The following MXI1 variants were observed in gnomAD, a reference collection of about 807,000 sequenced individuals.
The protein encoded by MXI1 is MAX interactor 1, dimerization protein, also known as max-interacting protein 1.
In MXI1, 18 loss-of-function variants were observed where a neutral mutation model predicts 36.9. The observed-to-expected ratio is 0.49, with a 90% CI of 0.34 to 0.72. The LOEUF is 0.72. Among genes scored for constraint, MXI1 ranks in the 30% least tolerant of loss-of-function variants. The pLI is 0.01. For synonymous variants in MXI1, 160 were observed against 146.7 expected (o/e 1.09, Z -0.65); for missense variants, 304 against 379.1 (o/e 0.80, Z 1.64).
chr10:110,261,072 C>T, intron 3 of MXI1: 1 of 984,834 alleles, frequency 1.0e-6, no homozygotes, highest in Non-Finnish European at 1.2e-6. Context: ...ACTGCTCTTA[C>T]ACAAAACAAG....
chr10:110,228,055 C>T (rs780959704), intron 1 of MXI1, 134 bp from the exon 2 acceptor site: 34 of 980,618 alleles, frequency 3.5e-5, no homozygotes, highest in Non-Finnish European at 4.9e-5. Context: ...AATTTTCTAA[C>T]CAAAAAGAGT....
intron 3 of MXI1, among the ~76,000 whole-genome samples, chr10:110,251,533 C>T (rs1216831982): frequency 6.6e-6 from 1 of 151,964 alleles, no homozygotes; most frequent in Non-Finnish European, 1.5e-5. Flanking sequence ...AAATGAAACT[C>T]ACTAGTGGTC....
chr10:110,246,508 A>G (rs1306394533), intron 3 of MXI1, among the ~76,000 whole-genome samples: 1 of 152,188 alleles, frequency 6.6e-6, no homozygotes, highest in Non-Finnish European at 1.5e-5. Flanking sequence ...AAGGCTTAGC[A>G]TAGTTTTTCA....
chr10:110,274,147 C>CA, intron 3 of MXI1, among the ~76,000 whole-genome samples: 1 of 152,258 alleles, frequency 6.6e-6, no homozygotes, highest in South Asian at 2.1e-4. Flanking sequence ...AGTTTGAAAT[C>CA]AAAAGGAGCA....
At chr10:110,246,188 G>C (rs1310158497) in intron 3 of MXI1, among the ~76,000 whole-genome samples, 1 of 151,840 alleles carries the variant, frequency 6.6e-6, no homozygotes, top group African/African-American at 2.4e-5. Flanking sequence ...AAATTAGCTG[G>C]TGTGGTGGCA....
chr10:110,210,143 C>G, intron 1 of MXI1: 1 of 591,092 alleles, frequency 1.7e-6, no homozygotes, highest in Non-Finnish European at 2.1e-6. Flanking sequence ...CCGGGCGCGC[C>G]GGGCTTGGGC....
intron 3 of MXI1, among the ~76,000 whole-genome samples, chr10:110,274,275 G>C (rs1856955138): frequency 6.6e-6 from 1 of 151,964 alleles, no homozygotes; most frequent in Non-Finnish European, 1.5e-5. Context: ...ATTTTGATAG[G>C]ACTCTTCTCT....
At chr10:110,217,990 G>A (rs1410677345) in intron 1 of MXI1, among the ~76,000 whole-genome samples, 2 of 152,188 alleles carry the variant, frequency 1.3e-5, no homozygotes, top group Non-Finnish European at 2.9e-5. Context: ...TAACCCTCAT[G>A]TTGTAGATGA....
intron 2 of MXI1, among the ~76,000 whole-genome samples, chr10:110,229,586 T>C (rs181188433): frequency 6.6e-6 from 1 of 152,332 alleles, no homozygotes; most frequent in African/African-American, 2.4e-5. Flanking sequence ...TTTAGCTTCT[T>C]TTCATTAAGA....
intron 2 of MXI1, among the ~76,000 whole-genome samples, chr10:110,240,188 A>G (rs1855620573): frequency 6.6e-6 from 1 of 152,024 alleles, no homozygotes; most frequent in Non-Finnish European, 1.5e-5. Flanking sequence ...GAATGCTTCC[A>G]GTTTGGGGCC....
At chr10:110,223,188 C>T (rs1344131035) in intron 1 of MXI1, among the ~76,000 whole-genome samples, 3 of 152,236 alleles carry the variant, frequency 2.0e-5, no homozygotes, top group South Asian at 2.1e-4. Flanking sequence ...GCCATCTCTT[C>T]CTAACCAGCT....
intron 2 of MXI1, among the ~76,000 whole-genome samples, chr10:110,234,186 T>A (rs1443066619): frequency 1.3e-5 from 2 of 152,170 alleles, no homozygotes; most frequent in African/African-American, 4.8e-5. Context: ...GGAAGAAAGC[T>A]TTCTCTTCTA....
At chr10:110,279,055 T>G in intron 3 of MXI1, 125 bp from the exon 4 acceptor site, 1 of 657,130 alleles carries the variant, frequency 1.5e-6, no homozygotes, top group Non-Finnish European at 2.6e-6. Context: ...CAGTGGAGAA[T>G]TAGGGGTGTG....
chr10:110,230,574 T>C (rs1286496251), intron 2 of MXI1, among the ~76,000 whole-genome samples: 1 of 152,216 alleles, frequency 6.6e-6, no homozygotes, highest in African/African-American at 2.4e-5. Context: ...CTGGGGCTTA[T>C]GAGAGAGAAC....
chr10:110,285,047 A>G lies in MXI1; in HGVS notation c.*60A>G, dbSNP rs1052452536. Reference sequence around the variant, plus strand: ...TTCACTGGGCCAATTCAATACAAACAATCTCTTAAATTGGGTTCATGATGC... The same window carrying G: ...TTCACTGGGCCAATTCAATACAAACGATCTCTTAAATTGGGTTCATGATGC... On this transcript the variant is annotated 3_prime_UTR_variant, in exon 6 of 6. Coordinates refer to ENST00000332674, the MANE Select transcript of MXI1 (RefSeq NM_130439.3). 2 of 1,478,484 alleles carry G rather than the reference A, an allele frequency of 1.4e-6. No individual in the cohort carries two copies. Among genetic ancestry groups the G allele is most frequent in the Non-Finnish European group, 1.8e-6 (2 of 1,099,722 alleles). The allele number at this position is 1,478,484 out of a possible 1,614,324, so 91.6% of individuals were successfully genotyped here. A position where few individuals can be genotyped will look rare whatever the true frequency, so the allele number is the denominator to read the frequency against.
At chr10:110,255,956 A>G (rs1464362456) in intron 3 of MXI1, among the ~76,000 whole-genome samples, 1 of 152,238 alleles carries the variant, frequency 6.6e-6, no homozygotes, top group African/African-American at 2.4e-5. Flanking sequence ...TATGGAACTG[A>G]CCAAAGAACA....
At chr10:110,230,196 T>C (rs1406532381) in intron 2 of MXI1, among the ~76,000 whole-genome samples, 1 of 152,256 alleles carries the variant, frequency 6.6e-6, no homozygotes, top group African/African-American at 2.4e-5. Flanking sequence ...CTAAGTTTTA[T>C]CAATTATGTT....
Position 110,209,160 on chromosome 10 carries a change from G to A in MXI1, c.274+1078G>A, listed in dbSNP as rs188599895. 5.3e-3 allele frequency among the ~76,000 whole-genome samples: 812 copies of A among 152,268 alleles called. 2 individuals carry two copies. The highest frequency in any genetic ancestry group is 8.7e-3 in the Non-Finnish European group (593 of 68,020). ...AGGCAGTCGACTCAGCGCCCTAACG[G>A]GGGCACGCGTGTGCAGCGTATCCAG... On this transcript the variant is annotated intron_variant, in intron 1 of 5. Coordinates refer to ENST00000332674, the MANE Select transcript of MXI1 (RefSeq NM_130439.3).
chr10:110,268,636 G>A (rs1393773883), intron 3 of MXI1, among the ~76,000 whole-genome samples: 2 of 152,068 alleles, frequency 1.3e-5, no homozygotes, highest in African/African-American at 4.8e-5. Flanking sequence ...ATATAACACT[G>A]AGAAAATTTC....
Sources: gnomAD v4.1 joint callset for allele counts (sites outside exome capture counted in the v4.1 genomes callset) on GRCh38, gnomAD v4.1.1 for gene constraint, MANE v1.5 for transcripts, NCBI Gene and HGNC (gene_info 2026-07-23, HGNC 2026-07-21) for gene names.